GLB1: variants seen among roughly 807,000 people sequenced by gnomAD.
The protein encoded by GLB1 is beta-galactosidase.
Under a neutral mutation model 74.0 loss-of-function variants are expected in GLB1, and 56 were observed. That is an observed-to-expected ratio of 0.76 (90% CI 0.61 to 0.94). GLB1 has a LOEUF of 0.94. Among genes scored for constraint, GLB1 ranks in the 40% least tolerant of loss-of-function variants. GLB1 has a pLI of 0.00. For missense variants in GLB1, 787 were observed against 845.5 expected (o/e 0.93, Z 0.86); for synonymous variants, 323 against 323.6 (o/e 1.00, Z 0.02).
chr3:32,983,597 T>C, the GLB1 span, among the ~76,000 whole-genome samples: 1 of 152,204 alleles, frequency 6.6e-6, no homozygotes, highest in African/African-American at 2.4e-5. Context: ...TTTGTCTCTA[T>C]GGTCTTATGT....
At chr3:33,089,586 AG>A (rs1700663821) in intron 1 of GLB1, among the ~76,000 whole-genome samples, 2 of 152,220 alleles carry the variant, frequency 1.3e-5, no homozygotes, top group Non-Finnish European at 2.9e-5. Context: ...AGCCTTAAAA[AG>A]GACAGAAATC....
chr3:33,014,620 C>T (rs143007193), intron 14 of GLB1, among the ~76,000 whole-genome samples: 55 of 152,226 alleles, frequency 3.6e-4, no homozygotes, highest in African/African-American at 1.2e-3. Flanking sequence ...CCCAAATTCC[C>T]AAATTTTCAG....
At chr3:33,050,925 T>A (rs1698948117) in intron 9 of GLB1, among the ~76,000 whole-genome samples, 1 of 152,220 alleles carries the variant, frequency 6.6e-6, no homozygotes, top group African/African-American at 2.4e-5. Context: ...TGCTCACATT[T>A]ATTTCCCTTA....
chr3:33,021,429 C>G, intron 12 of GLB1, 137 bp downstream of exon 12: 1 of 949,380 alleles, frequency 1.1e-6, no homozygotes, highest in African/African-American at 1.6e-5. Context: ...CCTGGAAATT[C>G]ATGGTTCATT....
intron 5 of GLB1, among the ~76,000 whole-genome samples, chr3:33,062,736 C>T (rs1319510372): frequency 2.0e-5 from 3 of 151,938 alleles, no homozygotes; most frequent in Admixed American, 6.6e-5. Context: ...TGCAGTGAGC[C>T]GAGATCTCAT....
chr3:33,043,215 C>T (rs569439343), intron 10 of GLB1, among the ~76,000 whole-genome samples: 1 of 152,196 alleles, frequency 6.6e-6, no homozygotes, highest in African/African-American at 2.4e-5. Context: ...GAACTTGCTG[C>T]CTAAAAACGA....
chr3:32,962,799 A>T, the GLB1 span, among the ~76,000 whole-genome samples: 1 of 151,954 alleles, frequency 6.6e-6, no homozygotes, highest in African/African-American at 2.4e-5. Flanking sequence ...AGTCTAAAAC[A>T]CTATTCCAGC....
rs146861526 is a variant in GLB1 at position 33,021,520 on chromosome 3, C to G, written c.1233+46G>C. 426 of 1,595,916 alleles carry G rather than the reference C, an allele frequency of 2.7e-4. 1 individual carries two copies. The East Asian group carries it at 8.1e-3, about 30-fold the overall frequency. ...ACTGCAAGGCAGTGCAGAAAGCACACTTTTGCAAGTAGAAAAAAGGCGAGG... is the reference window on the plus strand; with the variant it reads ...ACTGCAAGGCAGTGCAGAAAGCACAGTTTTGCAAGTAGAAAAAAGGCGAGG... On this transcript the variant is annotated intron_variant, in intron 12 of 15. Coordinates refer to ENST00000307363, the MANE Select transcript of GLB1 (RefSeq NM_000404.4).
intron 10 of GLB1, among the ~76,000 whole-genome samples, chr3:33,028,749 T>A (rs1166947428): frequency 6.6e-6 from 1 of 151,486 alleles, no homozygotes; most frequent in Non-Finnish European, 1.5e-5. Flanking sequence ...CACTGCAACC[T>A]CCACCTCCCA....
At chr3:33,021,202 A>C in intron 12 of GLB1, 1 of 311,918 alleles carries the variant, frequency 3.2e-6, no homozygotes, top group Non-Finnish European at 6.2e-6. Flanking sequence ...TTGAACTAAG[A>C]ACAAATAATT....
chr3:33,058,706 C>A (rs1261550715), intron 5 of GLB1, among the ~76,000 whole-genome samples: 1 of 152,192 alleles, frequency 6.6e-6, no homozygotes, highest in Non-Finnish European at 1.5e-5. Context: ...TAGATTTACA[C>A]AGACCCACAC....
chr3:33,064,776 CAAAAA>C (rs36181668), intron 5 of GLB1, among the ~76,000 whole-genome samples: 21 of 64,558 alleles, frequency 3.3e-4, no homozygotes, highest in South Asian at 1.8e-3. Flanking sequence ...GACTCTCTCT[CAAAAA>C]AAAAAAAAAA....
chr3:32,984,048 T>C, the GLB1 span, among the ~76,000 whole-genome samples: 126 of 152,310 alleles, frequency 8.3e-4, no homozygotes, highest in Non-Finnish European at 1.6e-3. Flanking sequence ...TATTCCAAGA[T>C]AATTTTGAGT....
the GLB1 span, among the ~76,000 whole-genome samples, chr3:32,986,750 C>A: frequency 2.6e-5 from 4 of 152,046 alleles, no homozygotes; most frequent in Admixed American, 6.5e-5. Flanking sequence ...GCCACCACAC[C>A]CAGCTAATTT....
At chr3:32,967,196 T>C in the GLB1 span, among the ~76,000 whole-genome samples, 1 of 152,224 alleles carries the variant, frequency 6.6e-6, no homozygotes, top group African/African-American at 2.4e-5. Flanking sequence ...AATTATCTTT[T>C]TGTAGATGAT....
chr3:33,062,180 T>C lies in GLB1; in HGVS notation c.552+3283A>G, dbSNP rs561003803. The stretch of plus-strand genomic sequence containing the variant: ...GCTTTTACAGAAATCTTTATTTTTT[T>C]TGAGACAGAGTCTCACTTTTTTGCC... On this transcript the variant is annotated intron_variant, in intron 5 of 15. Coordinates refer to ENST00000307363, the MANE Select transcript of GLB1 (RefSeq NM_000404.4). Among the ~76,000 whole-genome samples, 322 of 152,324 alleles carry C rather than the reference T, an allele frequency of 2.1e-3. 8 individuals are homozygous for C. Among genetic ancestry groups the C allele is most frequent in the Admixed American group, 0.021 (320 of 15,296 alleles).
At chr3:33,017,776 A>T (rs892626937) in intron 13 of GLB1, among the ~76,000 whole-genome samples, 2 of 152,224 alleles carry the variant, frequency 1.3e-5, no homozygotes, top group Non-Finnish European at 2.9e-5. Flanking sequence ...ACAAAATTGA[A>T]TTGGAAATGG....
chr3:33,034,320 G>A, intron 10 of GLB1: 1 of 746,598 alleles, frequency 1.3e-6, no homozygotes, highest in East Asian at 2.5e-5. Context: ...ACCATTGGCT[G>A]CAATGCCATC....
chr3:33,061,643 G>T (rs971036861), intron 5 of GLB1: 1 of 152,156 alleles, frequency 6.6e-6, no homozygotes, highest in African/African-American at 2.4e-5. Context: ...AGCTCCTTAA[G>T]CACCAGAGAC....
Sources: allele counts gnomAD v4.1 joint callset (sites outside exome capture counted in the v4.1 genomes callset), GRCh38; gene constraint gnomAD v4.1.1; transcripts MANE v1.5; gene names NCBI Gene and HGNC (gene_info 2026-07-23, HGNC 2026-07-21).